TDRP: variants seen among roughly 807,000 people sequenced by gnomAD.
The protein encoded by TDRP is testis development related protein.
In TDRP, 12 loss-of-function variants were observed where a neutral mutation model predicts 10.5. The observed-to-expected ratio is 1.15, with a 90% confidence interval of 0.73 to 1.86. TDRP has a LOEUF of 1.86. Ranked by LOEUF, TDRP falls within the 40% of genes most tolerant of loss-of-function variation. TDRP has a pLI of 0.00. For missense variants in TDRP, 353 were observed against 229.2 expected (o/e 1.54, Z -3.49); for synonymous variants, 139 against 95.4 (o/e 1.46, Z -2.67).
At chr8:515,388 C>T (rs1801730839) in intron 1 of TDRP, among the ~76,000 whole-genome samples, 1 of 152,192 alleles carries the variant, frequency 6.6e-6, no homozygotes, top group African/African-American at 2.4e-5. Flanking sequence ...TTGAGTGCCC[C>T]TTATCTGAGA....
At position 491,683 on chromosome 8, in the gene TDRP, AAG is replaced by A. The variant is rs1800979150; in HGVS notation, c.*714_*715del. The A allele has an allele frequency of 1.3e-6, 2 of 1,504,294 alleles. No individual in the cohort carries two copies. The highest frequency in any genetic ancestry group is 1.3e-5 in the South Asian group (1 of 77,382). 93.2% of individuals were successfully genotyped at this position (1,504,294 alleles called of 1,614,324 possible). On this transcript the variant is annotated 3_prime_UTR_variant, in exon 3 of 3. Transcript: ENST00000324079. Reference sequence around the variant, plus strand: ...ATACTTCTTTAATCTGTAAACAAAAAAGAGAGCAAATGTTTTAAGAAAATAAA... The same window carrying A: ...ATACTTCTTTAATCTGTAAACAAAAAAGAGCAAATGTTTTAAGAAAATAAA...
At chr8:516,176 G>C (rs1272649312) in intron 1 of TDRP, among the ~76,000 whole-genome samples, 4 of 152,138 alleles carry the variant, frequency 2.6e-5, no homozygotes, top group Non-Finnish European at 5.9e-5. Context: ...GGTGTGAATG[G>C]AGAAGAAAAC....
At chr8:509,892 A>G (rs1192537492) in intron 1 of TDRP, among the ~76,000 whole-genome samples, 1 of 152,160 alleles carries the variant, frequency 6.6e-6, no homozygotes, top group Non-Finnish European at 1.5e-5. Flanking sequence ...TGGGACTCCA[A>G]AATCACTAAG....
At chr8:526,668 GGTATGTCTTAGTCT>G (rs1159936952) in intron 1 of TDRP, among the ~76,000 whole-genome samples, 1 of 151,866 alleles carries the variant, frequency 6.6e-6, no homozygotes, top group Non-Finnish European at 1.5e-5. Flanking sequence ...TTCTCTTTTT[GGTATGTCTTAGTCT>G]GGTTTTATAT....
At chr8:513,713 T>C (rs1801677875) in intron 1 of TDRP, among the ~76,000 whole-genome samples, 1 of 152,208 alleles carries the variant, frequency 6.6e-6, no homozygotes, top group African/African-American at 2.4e-5. Context: ...ACTATCTCTA[T>C]TTGCTGATAA....
intron 1 of TDRP, among the ~76,000 whole-genome samples, chr8:535,725 G>C (rs571035748): frequency 4.6e-5 from 7 of 150,856 alleles, no homozygotes; most frequent in African/African-American, 1.7e-4. Flanking sequence ...ACCAGAGGCA[G>C]GTCTGAGCGT....
intron 1 of TDRP, among the ~76,000 whole-genome samples, chr8:502,591 C>A (rs752996987): frequency 3.3e-5 from 5 of 152,102 alleles, no homozygotes; most frequent in Admixed American, 1.3e-4. Context: ...GTGGGACCTA[C>A]GCCTACCTCA....
At chr8:540,255 T>A (rs537109921) in intron 1 of TDRP, among the ~76,000 whole-genome samples, 1 of 152,106 alleles carries the variant, frequency 6.6e-6, no homozygotes, top group Non-Finnish European at 1.5e-5. Context: ...TCATTTAGTA[T>A]CCCACAGCCT....
At chr8:509,899 T>A (rs945452987) in intron 1 of TDRP, among the ~76,000 whole-genome samples, 7 of 152,170 alleles carry the variant, frequency 4.6e-5, no homozygotes, top group African/African-American at 1.7e-4. Flanking sequence ...CCAAAATCAC[T>A]AAGCTAAATG....
chr8:495,977 G>C (rs142501445), intron 1 of TDRP, among the ~76,000 whole-genome samples: 1 of 152,200 alleles, frequency 6.6e-6, no homozygotes, highest in African/African-American at 2.4e-5. Flanking sequence ...CGGGGGACAG[G>C]CCCTCCAACA....
rs753413202 is a variant in TDRP at position 544,713 on chromosome 8, G to C, written c.45C>G (p.Pro15=). 4.8e-6 allele frequency: 6 copies of C among 1,245,104 alleles called. No homozygotes were observed. In the Admixed American group the frequency reaches 1.7e-4, roughly 34 times the overall value. The allele number at this position is 1,245,104 out of a possible 1,614,324, so 77.1% of individuals were successfully genotyped here. A position where few individuals can be genotyped will look rare whatever the true frequency, so the allele number is the denominator to read the frequency against. ...CCCCACGCAGGCCGTCCTCCTCCTC[G>C]GGGGGCTCGTCCAGCAGCACTCGGC... ...GRGRVLLDEP[P]EEEDGLRGGP... Residue 15 remains proline (P), a synonymous_variant, in exon 1 of 3, where the codon CCC becomes CCG. Transcript: ENST00000324079.
intron 1 of TDRP, among the ~76,000 whole-genome samples, chr8:531,774 C>T (rs1802205459): frequency 1.3e-5 from 2 of 152,178 alleles, no homozygotes; most frequent in Admixed American, 1.3e-4. Context: ...AGTCCACAAG[C>T]TTAGTATTAA....
intron 1 of TDRP, among the ~76,000 whole-genome samples, chr8:534,311 T>C (rs1226068349): frequency 6.6e-6 from 1 of 152,248 alleles, no homozygotes; most frequent in Non-Finnish European, 1.5e-5. Flanking sequence ...AAATACTAAA[T>C]TATTGCTGTT....
At chr8:519,541 C>T (rs1448088) in intron 1 of TDRP, among the ~76,000 whole-genome samples, 79,090 of 151,704 alleles carry the variant, frequency 0.52, 20,920 homozygotes, top group Admixed American at 0.59. Flanking sequence ...TTTTTCATCT[C>T]GTAAAACTCT....
intron 1 of TDRP, among the ~76,000 whole-genome samples, chr8:516,948 A>C (rs1165290057): frequency 6.6e-6 from 1 of 152,224 alleles, no homozygotes; most frequent in Admixed American, 6.5e-5. Context: ...CTATCAAGCC[A>C]TGAAAAGACA....
intron 1 of TDRP, among the ~76,000 whole-genome samples, chr8:536,633 C>G (rs1270010757): frequency 6.6e-6 from 1 of 152,114 alleles, no homozygotes; most frequent in African/African-American, 2.4e-5. Context: ...TGTAAAGGAT[C>G]TCTAACAAAT....
intron 1 of TDRP, among the ~76,000 whole-genome samples, chr8:536,751 G>A (rs900804799): frequency 6.6e-6 from 1 of 152,132 alleles, no homozygotes; most frequent in Non-Finnish European, 1.5e-5. Context: ...ATGTTTCAGT[G>A]GAGGAAAGCA....
At chr8:497,504 G>A (rs904745437) in intron 1 of TDRP, among the ~76,000 whole-genome samples, 1 of 152,204 alleles carries the variant, frequency 6.6e-6, no homozygotes, top group Non-Finnish European at 1.5e-5. Context: ...AGTCATATGT[G>A]TTCACAAAGA....
intron 1 of TDRP, among the ~76,000 whole-genome samples, chr8:499,207 T>A (rs1801219700): frequency 6.6e-6 from 1 of 151,946 alleles, no homozygotes; most frequent in Non-Finnish European, 1.5e-5. Flanking sequence ...GTCTCTAGTT[T>A]ATGAACTTCA....
Sources: gnomAD v4.1 joint callset for allele counts (sites outside exome capture counted in the v4.1 genomes callset) on GRCh38, gnomAD v4.1.1 for gene constraint, MANE v1.5 for transcripts, NCBI Gene and HGNC (gene_info 2026-07-23, HGNC 2026-07-21) for gene names.